Variants in CADM1 observed in about 807,000 individuals in gnomAD.
CADM1 encodes TSLC-1.
Under a neutral mutation model 53.1 loss-of-function variants are expected in CADM1, and 15 were observed. The observed-to-expected ratio is 0.28, with a 90% CI of 0.19 to 0.44. CADM1 has a LOEUF of 0.44. Among genes scored for constraint, CADM1 ranks in the 20% least tolerant of loss-of-function variants. CADM1 has a pLI of 1.00. For synonymous variants in CADM1, 281 were observed against 243.0 expected (o/e 1.16, Z -1.45); for missense variants, 434 against 611.3 (o/e 0.71, Z 3.06).
intron 1 of CADM1, among the ~76,000 whole-genome samples, chr11:115,295,358 C>T (rs973533889): frequency 6.6e-6 from 1 of 151,464 alleles, no homozygotes; most frequent in African/African-American, 2.4e-5. Flanking sequence ...TTTGTACATT[C>T]CACATCCTTG....
chr11:115,187,030 T>A (rs1031372072), intron 10 of CADM1, among the ~76,000 whole-genome samples: 1 of 152,136 alleles, frequency 6.6e-6, no homozygotes, highest in Non-Finnish European at 1.5e-5. Context: ...TGAATAAAGA[T>A]CAAACGAAGT....
intron 1 of CADM1, among the ~76,000 whole-genome samples, chr11:115,270,321 C>T (rs968923645): frequency 6.6e-6 from 1 of 152,206 alleles, no homozygotes; most frequent in African/African-American, 2.4e-5. Context: ...CTGAGAGCTA[C>T]TTTACCATAT....
intron 6 of CADM1, 132 bp downstream of exon 6, chr11:115,217,760 T>G: frequency 1.4e-6 from 1 of 725,536 alleles, no homozygotes; most frequent in Non-Finnish European, 2.6e-6. Context: ...TGAATATTCT[T>G]TAGTTCCTGA....
intron 1 of CADM1, among the ~76,000 whole-genome samples, chr11:115,297,683 T>C (rs903812808): frequency 6.6e-6 from 1 of 152,326 alleles, no homozygotes; most frequent in South Asian, 2.1e-4. Flanking sequence ...ATATGTTCAA[T>C]AGATTATCCT....
chr11:115,355,606 T>A (rs778611026), intron 1 of CADM1, among the ~76,000 whole-genome samples: 1 of 151,968 alleles, frequency 6.6e-6, no homozygotes, highest in African/African-American at 2.4e-5. Context: ...TATGTACCTC[T>A]GACCCTAAAA....
intron 1 of CADM1, among the ~76,000 whole-genome samples, chr11:115,478,404 T>C (rs994833992): frequency 6.6e-6 from 1 of 152,168 alleles, no homozygotes; most frequent in African/African-American, 2.4e-5. Context: ...CTTAAAAATC[T>C]GTATGATGTT....
At chr11:115,230,854 G>A (rs548708325) in intron 4 of CADM1, among the ~76,000 whole-genome samples, 15 of 152,342 alleles carry the variant, frequency 9.8e-5, no homozygotes, top group African/African-American at 3.6e-4. Context: ...TTGCAGGAAA[G>A]CATATAGTCA....
At chr11:115,372,114 C>T (rs45503194) in intron 1 of CADM1, among the ~76,000 whole-genome samples, 69 of 152,044 alleles carry the variant, frequency 4.5e-4, no homozygotes, top group Non-Finnish European at 9.4e-4. Flanking sequence ...ACAGATATCC[C>T]CTAGTAAGAT....
intron 1 of CADM1, among the ~76,000 whole-genome samples, chr11:115,408,016 C>G (rs1279530719): frequency 6.7e-6 from 1 of 148,742 alleles, no homozygotes; most frequent in African/African-American, 2.5e-5. Flanking sequence ...TCTAAAAGGG[C>G]TGGGTGTTGG....
chr11:115,264,343 T>C (rs1393017441), intron 1 of CADM1, among the ~76,000 whole-genome samples: 2 of 152,146 alleles, frequency 1.3e-5, no homozygotes, highest in Admixed American at 1.3e-4. Flanking sequence ...GAACTGTTTG[T>C]CCAATCACTT....
chr11:115,329,317 T>G (rs1945069587), intron 1 of CADM1, among the ~76,000 whole-genome samples: 4 of 152,200 alleles, frequency 2.6e-5, no homozygotes. Flanking sequence ...TGTTTTGCTG[T>G]GTCTTCCACA....
In CADM1 at chr11:115,246,720, T is replaced by C. The variant is rs141894729; in HGVS notation, c.125-6300A>G. On this transcript the variant is annotated intron_variant, in intron 1 of 11. Coordinates refer to ENST00000331581, the MANE Select transcript of CADM1 (RefSeq NM_001301043.2). ...AAAAGCAATATGTGCTCAAAGGCTTTTGTTGTTGTTGTTTTGACAGTTTTA... is the reference window on the plus strand; with the variant it reads ...AAAAGCAATATGTGCTCAAAGGCTTCTGTTGTTGTTGTTTTGACAGTTTTA... Among the ~76,000 whole-genome samples, 94 of 151,404 alleles carry C rather than the reference T, an allele frequency of 6.2e-4. 1 individual carries two copies. Among genetic ancestry groups the C allele is most frequent in the Middle Eastern group, 3.4e-3 (1 of 290 alleles).
intron 1 of CADM1, among the ~76,000 whole-genome samples, chr11:115,301,724 CT>C (rs1944227091): frequency 6.6e-6 from 1 of 152,046 alleles, no homozygotes; most frequent in South Asian, 2.1e-4. Flanking sequence ...TGGTGTGTGA[CT>C]TTGGCTTATT....
intron 1 of CADM1, among the ~76,000 whole-genome samples, chr11:115,429,331 G>T (rs1211348986): frequency 1.3e-5 from 2 of 152,112 alleles, no homozygotes; most frequent in Non-Finnish European, 2.9e-5. Flanking sequence ...ATCCTGGCTG[G>T]GCGCGGTGGC....
intron 1 of CADM1, among the ~76,000 whole-genome samples, chr11:115,357,061 C>T (rs1047234356): frequency 6.6e-6 from 1 of 152,096 alleles, no homozygotes; most frequent in Non-Finnish European, 1.5e-5. Context: ...AATAATACAA[C>T]TGTGAAGAAA....
At chr11:115,312,848 A>C (rs1008039647) in intron 1 of CADM1, among the ~76,000 whole-genome samples, 1 of 152,188 alleles carries the variant, frequency 6.6e-6, no homozygotes, top group African/African-American at 2.4e-5. Context: ...GTCTAACCAC[A>C]GGTTAAAATG....
chr11:115,261,784 A>ATT (rs113933840), intron 1 of CADM1, among the ~76,000 whole-genome samples: 13 of 143,626 alleles, frequency 9.1e-5, no homozygotes, highest in African/African-American at 3.0e-4. Flanking sequence ...CTCCAATAAG[A>ATT]TTTTTTTTTT....
intron 1 of CADM1, among the ~76,000 whole-genome samples, chr11:115,328,047 G>A (rs1293828509): frequency 1.3e-5 from 2 of 151,930 alleles, no homozygotes; most frequent in Admixed American, 6.6e-5. Context: ...TGGGTTTTGA[G>A]AGATTCAAAT....
At chr11:115,381,061 C>G (rs1195375278) in intron 1 of CADM1, among the ~76,000 whole-genome samples, 2 of 152,028 alleles carry the variant, frequency 1.3e-5, no homozygotes, top group Middle Eastern at 3.2e-3. Flanking sequence ...CTTCGGGATT[C>G]TGAGGCAGGT....
Sources: allele counts gnomAD v4.1 joint callset (sites outside exome capture counted in the v4.1 genomes callset), GRCh38; gene constraint gnomAD v4.1.1; transcripts MANE v1.5; gene names NCBI Gene and HGNC (gene_info 2026-07-23, HGNC 2026-07-21).